ANO6: variants seen among roughly 807,000 people sequenced by gnomAD.
ANO6 encodes anoctamin-6.
Under a neutral mutation model 117.5 loss-of-function variants are expected in ANO6, and 106 were observed. The observed-to-expected ratio is 0.90, with a 90% CI of 0.77 to 1.06. The LOEUF (loss-of-function observed/expected upper bound fraction) is 1.06. Ranked by LOEUF, ANO6 falls within the 50% of genes least tolerant of loss-of-function variation. The pLI is 0.00. For synonymous variants in ANO6, 367 were observed against 385.1 expected, an observed-to-expected ratio of 0.95 and a Z score of 0.55; for missense variants, 955 against 1,121.1, an observed-to-expected ratio of 0.85 and a Z score of 2.12.
Position 45,317,113 on chromosome 12 carries a change from G to A in ANO6, c.151-14182G>A, listed in dbSNP as rs796360928. On this transcript the variant is annotated intron_variant, in intron 2 of 19. Transcript: ENST00000320560. Reference sequence around the variant, plus strand: ...AAAGACAGCTGGATTCTTTTTATATGTATATATATATATATATATTTATTA... The same window carrying A: ...AAAGACAGCTGGATTCTTTTTATATATATATATATATATATATATTTATTA... Among the ~76,000 whole-genome samples, 162 of 66,362 alleles carry A rather than the reference G, an allele frequency of 2.4e-3. 4 individuals carry two copies. The highest frequency in any genetic ancestry group is 6.6e-3 in the African/African-American group (159 of 24,218). The allele number at this position is 66,362 out of a possible 152,430, so 43.5% of individuals were successfully genotyped here. A position where few individuals can be genotyped will look rare whatever the true frequency, so the allele number is the denominator to read the frequency against.
chr12:45,348,597 CTG>C lies in ANO6; in HGVS notation c.714_715del (p.Gly239AspfsTer10). On this transcript the variant is annotated frameshift_variant, in exon 6 of 20. Transcript: ENST00000320560. LOFTEE classifies it high-confidence loss of function. ...TTTGGGATCAACAGACTTGTAAACT[CTG>C]GGATCTACAAGGCAGCTTTCCCACT... 2.5e-6 allele frequency: 4 copies of C among 1,613,892 alleles called. No individual in the cohort carries two copies. The highest frequency in any genetic ancestry group is 3.4e-6 in the Non-Finnish European group (4 of 1,179,912).
chr12:45,426,119 C>T (rs904009223), intron 19 of ANO6, among the ~76,000 whole-genome samples: 13 of 152,298 alleles, frequency 8.5e-5, no homozygotes, highest in Non-Finnish European at 1.5e-4. Context: ...TGTCTTACAA[C>T]ATCATGTTGT....
intron 3 of ANO6, 135 bp from the exon 4 acceptor site, chr12:45,346,887 C>T: frequency 7.8e-6 from 6 of 765,740 alleles, no homozygotes; most frequent in Non-Finnish European, 1.1e-5. Flanking sequence ...ATTCCATTTG[C>T]TTGACCAAAT....
At chr12:45,376,628 C>G (rs1443314059) in intron 9 of ANO6, among the ~76,000 whole-genome samples, 1 of 148,410 alleles carries the variant, frequency 6.7e-6, no homozygotes, top group Non-Finnish European at 1.5e-5. Flanking sequence ...CGCATATTCT[C>G]ACTCATAGGT....
intron 19 of ANO6, among the ~76,000 whole-genome samples, chr12:45,427,248 C>G (rs1375265538): frequency 6.6e-6 from 1 of 152,138 alleles, no homozygotes; most frequent in Admixed American, 6.5e-5. Context: ...GCTGGGCTTG[C>G]CCTTCCTCTC....
At chr12:45,253,166 C>G (rs1592875075) in intron 1 of ANO6, among the ~76,000 whole-genome samples, 1 of 152,208 alleles carries the variant, frequency 6.6e-6, no homozygotes, top group South Asian at 2.1e-4. Flanking sequence ...AGGGAACATT[C>G]TGTAATTCAG....
intron 2 of ANO6, among the ~76,000 whole-genome samples, chr12:45,303,803 C>T (rs1939577016): frequency 6.6e-6 from 1 of 152,220 alleles, no homozygotes; most frequent in South Asian, 2.1e-4. Flanking sequence ...GACTTGTTTT[C>T]ACAGTGAATC....
chr12:45,369,895 A>G (rs1027577727), intron 9 of ANO6, among the ~76,000 whole-genome samples: 21 of 152,250 alleles, frequency 1.4e-4, no homozygotes, highest in African/African-American at 5.1e-4. Context: ...GAAACATGGT[A>G]AGTTCTAATA....
intron 1 of ANO6, among the ~76,000 whole-genome samples, chr12:45,241,392 C>T (rs941347989): frequency 7.2e-5 from 11 of 152,308 alleles, no homozygotes; most frequent in South Asian, 6.2e-4. Context: ...CCATGGTTTT[C>T]GGCTCCATCA....
At chr12:45,418,925 A>G (rs530455873) in intron 17 of ANO6, among the ~76,000 whole-genome samples, 2 of 152,364 alleles carry the variant, frequency 1.3e-5, no homozygotes, top group African/African-American at 2.4e-5. Context: ...ATCCACATAC[A>G]TAGACATCTA....
intron 9 of ANO6, among the ~76,000 whole-genome samples, chr12:45,370,856 G>A (rs1941806610): frequency 1.3e-5 from 2 of 152,100 alleles, no homozygotes. Flanking sequence ...GGGAGGAGGA[G>A]CCAAGATGGC....
At chr12:45,266,999 G>A (rs1156680706) in intron 1 of ANO6, among the ~76,000 whole-genome samples, 2 of 152,106 alleles carry the variant, frequency 1.3e-5, no homozygotes, top group East Asian at 1.9e-4. Context: ...TCAGCATCAC[G>A]GTGGACATAG....
At position 45,216,116 on chromosome 12, in the gene ANO6, A is replaced by G. The variant is rs1287572001; in HGVS notation, c.-206A>G. ...GCTCAGTCTCCGGGCTCCGCTCGGC[A>G]GGCGAGAGGCGTCCTCCGGCTCTGG... On this transcript the variant is annotated 5_prime_UTR_variant, in exon 1 of 20. Transcript: ENST00000320560. 5.2e-6 allele frequency: 3 copies of G among 574,476 alleles called. No homozygotes were observed. The Admixed American group carries it at 9.3e-5, about 18-fold the overall frequency. The allele number at this position is 574,476 out of a possible 1,614,324, so 35.6% of individuals were successfully genotyped here.
intron 1 of ANO6, among the ~76,000 whole-genome samples, chr12:45,245,692 T>G (rs1947814643): frequency 1.3e-5 from 2 of 152,302 alleles, no homozygotes; most frequent in South Asian, 2.1e-4. Context: ...TTTGTTTTTC[T>G]CATTGTAAAG....
chr12:45,289,557 C>A (rs1465312037), intron 1 of ANO6, among the ~76,000 whole-genome samples: 1 of 152,174 alleles, frequency 6.6e-6, no homozygotes, highest in African/African-American at 2.4e-5. Flanking sequence ...TTCCCAGCAT[C>A]TTTGCTAATA....
chr12:45,419,924 ATGT>A (rs34816418), intron 17 of ANO6, among the ~76,000 whole-genome samples: 8,237 of 151,830 alleles, frequency 0.054, 452 homozygotes, highest in East Asian at 0.31. Flanking sequence ...AATTTTCTGT[ATGT>A]TGTTGTTCAA....
At chr12:45,328,487 A>G (rs1940550060) in intron 2 of ANO6, among the ~76,000 whole-genome samples, 1 of 152,158 alleles carries the variant, frequency 6.6e-6, no homozygotes, top group Admixed American at 6.6e-5. Context: ...TTGTTGGAAA[A>G]AACGTTCTAC....
At chr12:45,262,016 T>C (rs1293281298) in intron 1 of ANO6, among the ~76,000 whole-genome samples, 3 of 152,230 alleles carry the variant, frequency 2.0e-5, no homozygotes, top group African/African-American at 7.2e-5. Flanking sequence ...TGATCCACGT[T>C]TAACCTGCTG....
At chr12:45,434,995 T>C (rs908867183), downstream of ANO6, among the ~76,000 whole-genome samples, 6 of 152,172 alleles carry the variant, frequency 3.9e-5, no homozygotes, top group South Asian at 2.1e-4. Context: ...ATCTAGGAAA[T>C]TGCACTGAAA....
Sources: gnomAD v4.1 joint callset for allele counts (sites outside exome capture counted in the v4.1 genomes callset) on GRCh38, gnomAD v4.1.1 for gene constraint, MANE v1.5 for transcripts, NCBI Gene and HGNC (gene_info 2026-07-23, HGNC 2026-07-21) for gene names.